The following FRYL variants were observed in gnomAD, a reference collection of about 807,000 sequenced individuals.
FRYL encodes the protein FRY like transcription coactivator.
In FRYL, 150 loss-of-function variants were observed where a neutral mutation model predicts 351.2. That is an observed-to-expected ratio of 0.43 (90% CI 0.37 to 0.49). The LOEUF (loss-of-function observed/expected upper bound fraction) is 0.49. Among genes scored for constraint, FRYL ranks in the 20% least tolerant of loss-of-function variants. The probability of loss-of-function intolerance (pLI) is 0.00; values close to 1 mark genes in which losing one functional copy is unlikely to be tolerated. For missense variants in FRYL, 3,036 were observed against 3,619.3 expected (o/e 0.84, Z 4.13); for synonymous variants, 1,153 against 1,257.1 (o/e 0.92, Z 1.75).
At chr4:48,618,815 A>C (rs1750082198) in intron 7 of FRYL, 1 of 152,920 alleles carries the variant, frequency 6.5e-6, no homozygotes, top group Non-Finnish European at 1.5e-5. Context: ...TTATTATCTG[A>C]AGTATTCTCA....
intron 1 of FRYL, among the ~76,000 whole-genome samples, chr4:48,767,153 G>A (rs775277138): frequency 3.3e-5 from 5 of 152,004 alleles, no homozygotes; most frequent in African/African-American, 9.7e-5. Context: ...TCTGCAAGCT[G>A]TACAGGTTTC....
rs532594929 is a variant in FRYL at position 48,517,280 on chromosome 4, T to C, written c.7690-2005A>G. 3.7e-4 allele frequency among the ~76,000 whole-genome samples: 56 copies of C among 152,352 alleles called. 1 individual carries two copies. Among genetic ancestry groups the C allele is most frequent in the Non-Finnish European group, 7.1e-4 (48 of 68,030 alleles). On this transcript the variant is annotated intron_variant, in intron 55 of 63. Coordinates refer to ENST00000358350, the MANE Select transcript of FRYL (RefSeq NM_015030.2). ...ACATCAACATGAACATACTATGTTATCTCAACCCAAACTTAGTTCAATGCC... is the reference window on the plus strand; with the variant it reads ...ACATCAACATGAACATACTATGTTACCTCAACCCAAACTTAGTTCAATGCC...
Position 48,580,965 on chromosome 4 carries a change from A to G in FRYL, c.2173-14T>C, listed in dbSNP as rs760231894. The G allele has an allele frequency of 1.3e-6, 2 of 1,537,744 alleles. No homozygotes were observed. Among genetic ancestry groups the G allele is most frequent in the East Asian group, 2.3e-5 (1 of 43,632 alleles). On this transcript the variant is annotated splice_polypyrimidine_tract_variant and intron_variant, in intron 21 of 63. Transcript: ENST00000358350. ...TTCATCATCACCCTGTAAAAAAGAC[A>G]TCATATGTCTAAAAAAATTAGGAAT...
chr4:48,542,125 G>C lies in FRYL; in HGVS notation c.5593-4C>G, dbSNP rs1730304811. The C allele has an allele frequency of 1.2e-6, 2 of 1,600,742 alleles. No individual in the cohort carries two copies. The highest frequency in any genetic ancestry group is 1.7e-6 in the Non-Finnish European group (2 of 1,168,444). On this transcript the variant is annotated splice_region_variant and splice_polypyrimidine_tract_variant and intron_variant, in intron 44 of 63. Transcript: ENST00000358350. ...GAAGAAGCTCAATCACAAATCCCTG[G>C]GGGGAAAAAGGCAGATTTTAATTAA...
At chr4:48,505,466 C>A in intron 60 of FRYL, 81 bp downstream of exon 60, 1 of 789,886 alleles carries the variant, frequency 1.3e-6, no homozygotes, top group Non-Finnish European at 2.2e-6. Context: ...TAGAAATAAT[C>A]AAATAAGGAT....
At chr4:48,716,494 A>G (rs975278171) in intron 1 of FRYL, among the ~76,000 whole-genome samples, 1 of 151,810 alleles carries the variant, frequency 6.6e-6, no homozygotes, top group East Asian at 1.9e-4. Context: ...TCAAAAGAGG[A>G]CATTTATGCA....
At chr4:48,777,377 A>G (rs1307633457) in intron 1 of FRYL, among the ~76,000 whole-genome samples, 1 of 152,244 alleles carries the variant, frequency 6.6e-6, no homozygotes, top group Admixed American at 6.5e-5. Context: ...TATTTAAAAA[A>G]TTAAATAACT....
intron 53 of FRYL, 123 bp downstream of exon 53, chr4:48,527,354 C>T: frequency 1.7e-6 from 1 of 583,836 alleles, no homozygotes; most frequent in Non-Finnish European, 2.7e-6. Context: ...AATTTAATTC[C>T]TAATTTAGAT....
At position 48,595,712 on chromosome 4, in the gene FRYL, G is replaced by A; in HGVS notation, c.1140-14C>T. 6.4e-7 allele frequency: 1 copy of A among 1,550,904 alleles called. No individual in the cohort carries two copies. Among genetic ancestry groups the A allele is most frequent in the South Asian group, 1.1e-5 (1 of 87,996 alleles). On this transcript the variant is annotated splice_polypyrimidine_tract_variant and intron_variant, in intron 14 of 63. Transcript: ENST00000358350. The stretch of plus-strand genomic sequence containing the variant: ...CTCATAAGACGACTACAGGGAAAAA[G>A]ATCTAGTCATAGTGAGATCATAACA...
intron 13 of FRYL, among the ~76,000 whole-genome samples, chr4:48,601,690 T>G (rs1745730176): frequency 6.6e-6 from 1 of 152,202 alleles, no homozygotes. Flanking sequence ...ACAAAATAAG[T>G]ATCTAGAAGG....
At chr4:48,624,541 C>T (rs1426958617) in intron 4 of FRYL, among the ~76,000 whole-genome samples, 2 of 152,076 alleles carry the variant, frequency 1.3e-5, no homozygotes, top group African/African-American at 4.8e-5. Context: ...AAGAGGCTTC[C>T]CCCAGTAGAA....
At position 48,527,779 on chromosome 4, in the gene FRYL, C is replaced by T. The variant is rs1577953834; in HGVS notation, c.7141-126G>A. On this transcript the variant is annotated intron_variant, in intron 52 of 63. Transcript: ENST00000358350. ...AATGAATTCACAGCTTAAATTTGGT[C>T]TTCATGTTTAACTAGTTGAACACAT... The T allele has an allele frequency of 9.1e-6, 10 of 1,097,348 alleles. No individual in the cohort carries two copies. In the East Asian group the frequency reaches 2.4e-4, roughly 26 times the overall value. The allele number at this position is 1,097,348 out of a possible 1,614,324, so 68.0% of individuals were successfully genotyped here.
At chr4:48,557,766 C>G in intron 33 of FRYL, 54 bp from the exon 34 acceptor site, 1 of 1,588,466 alleles carries the variant, frequency 6.3e-7, no homozygotes, top group Admixed American at 1.7e-5. Context: ...TTCCTCTGAC[C>G]CGTAATTAAT....
chr4:48,515,760 A>G (rs1427445095), intron 55 of FRYL, among the ~76,000 whole-genome samples: 1 of 152,204 alleles, frequency 6.6e-6, no homozygotes, highest in African/African-American at 2.4e-5. Context: ...ACCTATTATC[A>G]TATAGAAACA....
rs186902554 is a variant in FRYL at position 48,527,621 on chromosome 4, G to A, written c.7173C>T (p.Val2391=). ...AAATTAGGCTAGTCTGTTGGTCACC[G>A]ACTTCCAAATCCTCATTAGAAGAAA... ...VVFSSNEDLE[V]GDQQTSLIST... The change falls in exon 53 of 64, where the codon GTC becomes GTT. Residue 2391 remains valine (V), a synonymous_variant. Coordinates refer to ENST00000358350, the MANE Select transcript of FRYL (RefSeq NM_015030.2). The A allele has an allele frequency of 2.8e-5, 45 of 1,608,710 alleles. 1 individual carries two copies. In the South Asian group the frequency reaches 4.0e-4, roughly 14 times the overall value.
At chr4:48,527,017 T>A (rs952867040) in intron 53 of FRYL, among the ~76,000 whole-genome samples, 5 of 152,140 alleles carry the variant, frequency 3.3e-5, no homozygotes, top group South Asian at 4.1e-4. Flanking sequence ...GAGTAGTATA[T>A]GTATATGTAC....
intron 63 of FRYL, 29 bp downstream of exon 63, chr4:48,500,001 C>T (rs760365675): frequency 1.4e-6 from 2 of 1,399,346 alleles, no homozygotes; most frequent in Non-Finnish European, 2.0e-6. Context: ...AATTTAAAGG[C>T]ATCACCTTTA....
At chr4:48,576,337 T>C in intron 23 of FRYL, 115 bp from the exon 24 acceptor site, 1 of 790,794 alleles carries the variant, frequency 1.3e-6, no homozygotes, top group Non-Finnish European at 1.9e-6. Flanking sequence ...AGTGTCACTC[T>C]GTCACCCAGG....
At chr4:48,747,744 C>G (rs190332824) in intron 1 of FRYL, among the ~76,000 whole-genome samples, 1 of 152,016 alleles carries the variant, frequency 6.6e-6, no homozygotes, top group Non-Finnish European at 1.5e-5. Context: ...TAAAACAAAA[C>G]GGTGAAATTG....
Sources: gnomAD v4.1 joint callset for allele counts (sites outside exome capture counted in the v4.1 genomes callset) on GRCh38, gnomAD v4.1.1 for gene constraint, MANE v1.5 for transcripts, NCBI Gene and HGNC (gene_info 2026-07-23, HGNC 2026-07-21) for gene names.